LRRIQ1: variants seen among roughly 807,000 people sequenced by gnomAD.
LRRIQ1 encodes leucine-rich repeat- and IQ domain-containing protein 1.
In LRRIQ1, 210 loss-of-function variants were observed where a neutral mutation model predicts 211.9. That is an observed-to-expected ratio of 0.99 (90% CI 0.89 to 1.11). The LOEUF is 1.11. Among genes scored for constraint, LRRIQ1 ranks in the 50% most tolerant of loss-of-function variants. LRRIQ1 has a pLI of 0.00. For synonymous variants in LRRIQ1, 699 were observed against 650.1 expected, an observed-to-expected ratio of 1.08 and a Z score of -1.14; for missense variants, 2,136 against 1,939.5, an observed-to-expected ratio of 1.10 and a Z score of -1.90.
chr12:85,269,792 T>A, the LRRIQ1 span, among the ~76,000 whole-genome samples: 2 of 152,006 alleles, frequency 1.3e-5, no homozygotes, highest in Non-Finnish European at 1.5e-5. Context: ...TTGGAATGCC[T>A]TTCTATCTTA....
At chr12:85,059,287 G>A (rs1026619497) in intron 8 of LRRIQ1, among the ~76,000 whole-genome samples, 13 of 151,916 alleles carry the variant, frequency 8.6e-5, no homozygotes, top group African/African-American at 2.7e-4. Flanking sequence ...GACATAAATC[G>A]GATCTTCGTG....
intron 24 of LRRIQ1, among the ~76,000 whole-genome samples, chr12:85,194,264 C>G (rs1481026601): frequency 8.8e-6 from 1 of 113,776 alleles, no homozygotes; most frequent in Admixed American, 1.0e-4. Flanking sequence ...GACAGATCAA[C>G]GAGACAGAAA....
At chr12:85,235,265 A>C (rs1895124768) in intron 26 of LRRIQ1, among the ~76,000 whole-genome samples, 1 of 152,184 alleles carries the variant, frequency 6.6e-6, no homozygotes, top group African/African-American at 2.4e-5. Context: ...TAATTGACTA[A>C]ATGGATCCCC....
intron 24 of LRRIQ1, among the ~76,000 whole-genome samples, chr12:85,213,003 A>C (rs1893911525): frequency 6.6e-6 from 1 of 151,614 alleles, no homozygotes; most frequent in African/African-American, 2.4e-5. Flanking sequence ...TTGTGTACTT[A>C]AACTCAAAAT....
chr12:85,104,477 T>C (rs1886630703), intron 14 of LRRIQ1, among the ~76,000 whole-genome samples: 1 of 151,972 alleles, frequency 6.6e-6, no homozygotes, highest in South Asian at 2.1e-4. Context: ...TCCCAGTCAG[T>C]CCACTCCTAG....
At position 85,059,778 on chromosome 12, in the gene LRRIQ1, G is replaced by A. The variant is rs145246300; in HGVS notation, c.2391+2594G>A. 1.1e-3 allele frequency among the ~76,000 whole-genome samples: 170 copies of A among 151,790 alleles called. 1 individual carries two copies. Among genetic ancestry groups the A allele is most frequent in the East Asian group, 7.6e-3 (39 of 5,116 alleles). ...TGGGTGCAGCAAACCACCATGGCAC[G>A]TGGCACGTGTATACCTATATAACAA... is the stretch of plus-strand genomic sequence containing the variant. On this transcript the variant is annotated intron_variant, in intron 8 of 26. Coordinates refer to ENST00000393217, the MANE Select transcript of LRRIQ1 (RefSeq NM_001079910.2).
In LRRIQ1 at chr12:85,217,281, A is replaced by T. The variant is rs190450306; in HGVS notation, c.4823-12236A>T. Among the ~76,000 whole-genome samples, 168 of 150,958 alleles carry T rather than the reference A, an allele frequency of 1.1e-3. 4 individuals carry two copies. In the East Asian group the frequency reaches 0.032, roughly 28 times the overall value. ...TAATAATATAAAGTATGTTTTATTG[A>T]GTTTTTCAAGCTTCTATCACTAACA... On this transcript the variant is annotated intron_variant, in intron 24 of 26. Coordinates refer to ENST00000393217, the MANE Select transcript of LRRIQ1 (RefSeq NM_001079910.2).
chr12:85,151,242 C>A (rs940686813), intron 19 of LRRIQ1, among the ~76,000 whole-genome samples: 6 of 151,474 alleles, frequency 4.0e-5, no homozygotes, highest in African/African-American at 1.4e-4. Flanking sequence ...TCAAATGGTG[C>A]AAGTTTGGTT....
chr12:85,222,631 A>C (rs1894454308), intron 24 of LRRIQ1, among the ~76,000 whole-genome samples: 2 of 152,276 alleles, frequency 1.3e-5, no homozygotes, highest in African/African-American at 4.8e-5. Context: ...CTTTGTCTTC[A>C]AGAAGCTCAT....
intron 13 of LRRIQ1, 43 bp downstream of exon 13, chr12:85,099,037 A>G (rs1439510451): frequency 1.5e-6 from 2 of 1,365,258 alleles, no homozygotes. Context: ...ATGATTGTTT[A>G]AAATAAATAT....
chr12:85,176,420 T>G (rs1331288140), intron 24 of LRRIQ1, among the ~76,000 whole-genome samples: 1 of 151,678 alleles, frequency 6.6e-6, no homozygotes, highest in East Asian at 1.9e-4. Context: ...CCATAAAAAA[T>G]GATGAGTTCA....
At chr12:85,228,191 C>G (rs930775385) in intron 24 of LRRIQ1, among the ~76,000 whole-genome samples, 3 of 152,216 alleles carry the variant, frequency 2.0e-5, no homozygotes, top group African/African-American at 4.8e-5. Context: ...TTAAACTAAA[C>G]AGCTTCTGCA....
intron 24 of LRRIQ1, among the ~76,000 whole-genome samples, chr12:85,217,492 GTATA>G (rs1214919315): frequency 8.0e-5 from 6 of 74,958 alleles, no homozygotes; most frequent in Admixed American, 3.4e-4. Context: ...ATATATATAT[GTATA>G]TATATATATA....
intron 24 of LRRIQ1, among the ~76,000 whole-genome samples, chr12:85,190,116 CAAT>C (rs1166088930): frequency 7.1e-6 from 1 of 141,198 alleles, no homozygotes; most frequent in Non-Finnish European, 1.5e-5. Context: ...TAGCTCACAT[CAAT>C]AATAATTATA....
At chr12:85,077,365 G>A (rs2136137375) in intron 11 of LRRIQ1, among the ~76,000 whole-genome samples, 1 of 152,246 alleles carries the variant, frequency 6.6e-6, no homozygotes, top group South Asian at 2.1e-4. Flanking sequence ...TGAGATCTAG[G>A]AAACTTTAAA....
chr12:85,202,837 G>T (rs1349471737), intron 24 of LRRIQ1, among the ~76,000 whole-genome samples: 2 of 152,138 alleles, frequency 1.3e-5, no homozygotes, highest in Non-Finnish European at 2.9e-5. Flanking sequence ...GTTGTTAGCT[G>T]GTTATTACCA....
chr12:85,083,535 G>A (rs561223362), intron 11 of LRRIQ1, among the ~76,000 whole-genome samples: 6 of 151,676 alleles, frequency 4.0e-5, no homozygotes, highest in African/African-American at 7.3e-5. Flanking sequence ...CACCTCCCAG[G>A]TTCAAGTGAT....
At chr12:85,168,226 GC>G (rs1891245907) in intron 24 of LRRIQ1, among the ~76,000 whole-genome samples, 1 of 152,266 alleles carries the variant, frequency 6.6e-6, no homozygotes, top group Non-Finnish European at 1.5e-5. Flanking sequence ...GCCATTTGTA[GC>G]CCTGCCTGGA....
chr12:85,116,357 G>A (rs561861003), intron 15 of LRRIQ1, among the ~76,000 whole-genome samples: 5 of 152,112 alleles, frequency 3.3e-5, no homozygotes, highest in African/African-American at 9.6e-5. Flanking sequence ...TGTTAGCCAG[G>A]CTGGTCTGGA....
Sources: gnomAD v4.1 joint callset for allele counts (sites outside exome capture counted in the v4.1 genomes callset) on GRCh38, gnomAD v4.1.1 for gene constraint, MANE v1.5 for transcripts, NCBI Gene and HGNC (gene_info 2026-07-23, HGNC 2026-07-21) for gene names.